The following ESRRG variants were observed in gnomAD, a reference collection of about 807,000 sequenced individuals.
The protein encoded by ESRRG is estrogen related receptor gamma, also known as estrogen-related receptor gamma.
ESRRG carries 13 observed loss-of-function variants against 44.0 expected under a neutral mutation model. That is an observed-to-expected ratio of 0.30 (90% CI 0.19 to 0.47). The LOEUF (loss-of-function observed/expected upper bound fraction) is 0.47. Among genes scored for constraint, ESRRG ranks in the 20% least tolerant of loss-of-function variants. The probability of loss-of-function intolerance (pLI) is 1.00; values close to 1 mark genes in which losing one functional copy is unlikely to be tolerated. For missense variants in ESRRG, 395 were observed against 580.6 expected, an observed-to-expected ratio of 0.68 and a Z score of 3.29; for synonymous variants, 215 against 214.6, an observed-to-expected ratio of 1.00 and a Z score of -0.02.
chr1:217,078,725 T>C (rs2091520544), intron 1 of ESRRG, among the ~76,000 whole-genome samples: 1 of 152,330 alleles, frequency 6.6e-6, no homozygotes, highest in Non-Finnish European at 1.5e-5. Flanking sequence ...CAGGATTTTT[T>C]AAAATGCATT....
At chr1:216,684,763 C>T (rs2077612977) in intron 1 of ESRRG, among the ~76,000 whole-genome samples, 1 of 152,118 alleles carries the variant, frequency 6.6e-6, no homozygotes, top group Non-Finnish European at 1.5e-5. Context: ...CTGATGATGG[C>T]TATTAGCTAT....
chr1:216,983,489 C>T (rs1435809861), intron 1 of ESRRG, among the ~76,000 whole-genome samples: 2 of 152,078 alleles, frequency 1.3e-5, no homozygotes, highest in Non-Finnish European at 2.9e-5. Context: ...ATCTTGGCCT[C>T]TCAAAGTGCT....
intron 1 of ESRRG, among the ~76,000 whole-genome samples, chr1:217,015,731 A>AATTTTTTTTTTTTTT (rs759911532): frequency 7.0e-6 from 1 of 142,116 alleles, no homozygotes. Context: ...GGGCAGCTAG[A>AATTTTTTTTTTTTTT]TTTTTTTTTT....
chr1:217,107,217 T>C (rs2092607988), intron 1 of ESRRG, among the ~76,000 whole-genome samples: 1 of 152,192 alleles, frequency 6.6e-6, no homozygotes, highest in South Asian at 2.1e-4. Context: ...GATAAGCAAA[T>C]AAGAGTACGT....
intron 2 of ESRRG, among the ~76,000 whole-genome samples, chr1:216,793,467 A>G (rs1285926703): frequency 6.6e-6 from 1 of 152,148 alleles, no homozygotes; most frequent in African/African-American, 2.4e-5. Context: ...AAGCAGCCAT[A>G]TGAAGAGATC....
rs2064468314 is a variant in ESRRG, at chr1:216,938,089, A to T, written c.-14+1493T>A. Among the ~76,000 whole-genome samples, 5 of 152,140 alleles carry T rather than the reference A, an allele frequency of 3.3e-5. No individual in the cohort carries two copies. The South Asian group carries it at 1.0e-3, about 32-fold the overall frequency. ...TGCCTTCACCTGCCTCACATTACAA[A>T]GCAGACGTGTTCTTGAAAAGTTGAG... On this transcript the variant is annotated intron_variant, in intron 2 of 7. Coordinates refer to the ESRRG transcript ENST00000359162.
intron 1 of ESRRG, among the ~76,000 whole-genome samples, chr1:217,100,845 C>T (rs79972298): frequency 0.017 from 2,552 of 152,254 alleles, 75 homozygotes; most frequent in African/African-American, 0.059. Flanking sequence ...CTCAAAGAAT[C>T]GGCCCCCATG....
chr1:216,980,687 C>A (rs1321193601), intron 1 of ESRRG, among the ~76,000 whole-genome samples: 1 of 152,150 alleles, frequency 6.6e-6, no homozygotes, highest in African/African-American at 2.4e-5. Flanking sequence ...AGCTGAACCA[C>A]CCCTCCACAA....
intron 3 of ESRRG, among the ~76,000 whole-genome samples, chr1:216,580,143 C>T (rs17042935): frequency 0.027 from 4,138 of 152,220 alleles, 193 homozygotes; most frequent in African/African-American, 0.095. Flanking sequence ...CACATGCCTG[C>T]TACACAGTAG....
chr1:216,660,778 G>T (rs767457711), intron 2 of ESRRG, among the ~76,000 whole-genome samples: 1 of 152,052 alleles, frequency 6.6e-6, no homozygotes, highest in African/African-American at 2.4e-5. Flanking sequence ...ATAGGATAGG[G>T]TTGCTTTTAG....
At chr1:216,729,289 C>T (rs1183726599) in intron 2 of ESRRG, among the ~76,000 whole-genome samples, 9 of 152,150 alleles carry the variant, frequency 5.9e-5, no homozygotes. Context: ...CTTCTTACAC[C>T]CTCAATAGTG....
At chr1:216,812,590 T>C (rs1474679215) in intron 2 of ESRRG, among the ~76,000 whole-genome samples, 2 of 152,218 alleles carry the variant, frequency 1.3e-5, no homozygotes, top group Admixed American at 1.3e-4. Context: ...CTAGGTTTTG[T>C]CTTCCTCTCT....
rs555653894 is a variant in ESRRG at position 216,505,872 on chromosome 1, G to T, written c.*1067C>A. The T allele has an allele frequency of 1.3e-5, 2 of 152,692 alleles. No individual in the cohort carries two copies. The highest frequency in any genetic ancestry group is 4.1e-4 in the South Asian group (2 of 4,822). 9.5% of individuals were successfully genotyped at this position (152,692 alleles called of 1,614,324 possible). On this transcript the variant is annotated 3_prime_UTR_variant, in exon 7 of 7. Coordinates refer to ENST00000408911, the MANE Select transcript of ESRRG (RefSeq NM_001438.4). ...CATATTAATAAATGGCTGAAAAGTG[G>T]TAAAGCTGGTACAAAAAAATCTCCA...
intron 2 of ESRRG, among the ~76,000 whole-genome samples, chr1:216,774,321 G>T (rs1480656962): frequency 6.6e-6 from 1 of 152,122 alleles, no homozygotes; most frequent in Non-Finnish European, 1.5e-5. Context: ...TCTGCAGCAG[G>T]GGCCACAGTT....
intron 1 of ESRRG, among the ~76,000 whole-genome samples, chr1:216,989,482 T>C (rs2075364959): frequency 6.7e-6 from 1 of 148,988 alleles, no homozygotes; most frequent in Non-Finnish European, 1.5e-5. Context: ...ATTTATCTAA[T>C]GTATCAAGTT....
At chr1:217,054,915 G>T (rs1279802747) in intron 1 of ESRRG, among the ~76,000 whole-genome samples, 3 of 152,302 alleles carry the variant, frequency 2.0e-5, no homozygotes, top group African/African-American at 4.8e-5. Context: ...AGAACTCACT[G>T]CAGACTCTGG....
chr1:216,702,450 G>A (rs1445067027), intron 1 of ESRRG, among the ~76,000 whole-genome samples: 1 of 151,952 alleles, frequency 6.6e-6, no homozygotes, highest in African/African-American at 2.4e-5. Flanking sequence ...TGTGATCTTA[G>A]GATAAAGTAA....
At chr1:216,833,384 G>T (rs1165340774) in intron 2 of ESRRG, among the ~76,000 whole-genome samples, 1 of 152,214 alleles carries the variant, frequency 6.6e-6, no homozygotes, top group African/African-American at 2.4e-5. Context: ...TTCCAAGGCT[G>T]TATGTATTGT....
At chr1:216,924,009 G>C (rs72741429) in intron 2 of ESRRG, among the ~76,000 whole-genome samples, 2,304 of 152,304 alleles carry the variant, frequency 0.015, 30 homozygotes, top group Non-Finnish European at 0.025. Flanking sequence ...CTTTGCAAGA[G>C]CTTTCAAAAT....
Sources: gnomAD v4.1 joint callset for allele counts (sites outside exome capture counted in the v4.1 genomes callset) on GRCh38, gnomAD v4.1.1 for gene constraint, MANE v1.5 for transcripts, NCBI Gene and HGNC (gene_info 2026-07-23, HGNC 2026-07-21) for gene names.